IL1RL2: variants seen among roughly 807,000 people sequenced by gnomAD.
IL1RL2 encodes interleukin-1 receptor-like 2.
IL1RL2 carries 68 observed loss-of-function variants against 66.8 expected under a neutral mutation model. That is an observed-to-expected ratio of 1.02 (90% CI 0.84 to 1.25). IL1RL2 has a LOEUF of 1.25. Ranked by LOEUF, IL1RL2 falls within the 50% of genes most tolerant of loss-of-function variation. The pLI, the probability that IL1RL2 is intolerant of heterozygous loss-of-function variation, is 0.00. For synonymous variants in IL1RL2, 305 were observed against 264.6 expected (o/e 1.15, Z -1.48); for missense variants, 729 against 709.3 (o/e 1.03, Z -0.32).
intron 11 of IL1RL2, among the ~76,000 whole-genome samples, chr2:102,238,974 C>A (rs1675103601): frequency 6.6e-6 from 1 of 152,186 alleles, no homozygotes. Context: ...TCCTCTGGGG[C>A]TCTTATAGGA....
intron 11 of IL1RL2, 94 bp downstream of exon 11, chr2:102,235,371 G>T (rs748928094): frequency 3.3e-6 from 5 of 1,525,404 alleles, no homozygotes; most frequent in Non-Finnish European, 4.4e-6. Context: ...ACGTTTCATC[G>T]GGGCCGTCTG....
chr2:102,233,570 T>A (rs1270135102), intron 10 of IL1RL2, among the ~76,000 whole-genome samples: 2 of 152,140 alleles, frequency 1.3e-5, no homozygotes, highest in Non-Finnish European at 2.9e-5. Context: ...CGACCCTACT[T>A]GCCCCCTCCC....
Position 102,220,033 on chromosome 2 carries a change from G to T in IL1RL2, c.991+16G>T. On this transcript the variant is annotated intron_variant, in intron 8 of 11. Coordinates refer to ENST00000264257, the MANE Select transcript of IL1RL2 (RefSeq NM_003854.4). ...CAGCTCCCAGGTAATACTCCAGTGG[G>T]TTACACACTGTTCAGAGTGTTCAAA... 2 of 1,601,778 alleles carry T rather than the reference G, an allele frequency of 1.2e-6. No individual in the cohort carries two copies. The highest frequency in any genetic ancestry group is 1.7e-6 in the Non-Finnish European group (2 of 1,170,342).
At chr2:102,220,330 T>G (rs1017981057) in intron 8 of IL1RL2, among the ~76,000 whole-genome samples, 103 of 152,246 alleles carry the variant, frequency 6.8e-4, no homozygotes, top group Non-Finnish European at 1.3e-4. Flanking sequence ...GCTTTTGATT[T>G]TCAACTTTTA....
chr2:102,212,207 CAGGGGAAG>C, intron 6 of IL1RL2, 33 bp downstream of exon 6: 7 of 1,426,684 alleles, frequency 4.9e-6, no homozygotes, highest in Non-Finnish European at 6.9e-6. Context: ...TTGAAATCAC[CAGGGGAAG>C]AGCTCATTAT....
Position 102,233,087 on chromosome 2 carries a change from G to C in IL1RL2, c.1260G>C (p.Lys420Asn), listed in dbSNP as rs1691283814. The change falls in exon 10 of 12, where the codon AAG (lysine) becomes AAC (asparagine). Residue 420 changes from lysine (K) to asparagine (N), a missense_variant. By Grantham distance (94) the Lys-to-Asn change is moderately conservative. Coordinates refer to ENST00000264257, the MANE Select transcript of IL1RL2 (RefSeq NM_003854.4). ...PEVLERQCGY[K>N]LFIFGRDEFP... ...TGTTGGAGAGACAATGTGGATATAAGTTGTTTATATTCGGCAGAGATGAAT... is the reference window on the plus strand; with the variant it reads ...TGTTGGAGAGACAATGTGGATATAACTTGTTTATATTCGGCAGAGATGAAT... 1 of 1,611,872 alleles carries C rather than the reference G, an allele frequency of 6.2e-7. No homozygotes were observed.
intron 3 of IL1RL2, among the ~76,000 whole-genome samples, chr2:102,190,558 T>G (rs1379346006): frequency 6.6e-6 from 1 of 152,236 alleles, no homozygotes; most frequent in Admixed American, 6.5e-5. Flanking sequence ...TGCTGCTAGA[T>G]TCCTCATTTC....
At position 102,239,682 on chromosome 2, in the gene IL1RL2, AT is replaced by A. The variant is rs1322690623; in HGVS notation, c.*442del. 4 of 177,056 alleles carry A rather than the reference AT, an allele frequency of 2.3e-5. No individual in the cohort carries two copies. Among genetic ancestry groups the A allele is most frequent in the Non-Finnish European group, 4.9e-5 (4 of 81,876 alleles). 11.0% of individuals were successfully genotyped at this position (177,056 alleles called of 1,614,324 possible). A position where few individuals can be genotyped will look rare whatever the true frequency, so the allele number is the denominator to read the frequency against. On this transcript the variant is annotated 3_prime_UTR_variant, in exon 12 of 12. Transcript: ENST00000264257. ...ATCATGGTGGGTGAGAGCTGGGAGC[AT>A]CCCCATGTCATGGTGGGCGAGATCT...
At chr2:102,192,155 C>G (rs760565003) in intron 4 of IL1RL2, 35 bp downstream of exon 4, 51 of 1,429,084 alleles carry the variant, frequency 3.6e-5, no homozygotes, top group Non-Finnish European at 4.7e-5. Flanking sequence ...ATTTTTCCTC[C>G]TTTTCTTTAA....
rs375216731 is a variant in IL1RL2, at chr2:102,216,616, G to A, written c.725-2337G>A. ...GTAAGAACATGACTCCTGACATTTTGTTATTTGTATTCTGGTTGTTTTGCA... is the reference window on the plus strand; with the variant it reads ...GTAAGAACATGACTCCTGACATTTTATTATTTGTATTCTGGTTGTTTTGCA... On this transcript the variant is annotated intron_variant, in intron 6 of 11. Transcript: ENST00000264257. 2.6e-5 allele frequency among the ~76,000 whole-genome samples: 4 copies of A among 151,862 alleles called. No individual in the cohort carries two copies. In the East Asian group the frequency reaches 7.7e-4, roughly 29 times the overall value.
chr2:102,221,407 CT>C, intron 8 of IL1RL2, among the ~76,000 whole-genome samples: 1 of 152,174 alleles, frequency 6.6e-6, no homozygotes, highest in East Asian at 1.9e-4. Context: ...GCGTTTCCAG[CT>C]GTGTAAGGGA....
intron 3 of IL1RL2, among the ~76,000 whole-genome samples, chr2:102,190,886 T>A (rs955807897): frequency 1.3e-5 from 2 of 152,208 alleles, no homozygotes; most frequent in African/African-American, 4.8e-5. Flanking sequence ...TTATCTGCCA[T>A]GAAAGAAAAT....
chr2:102,197,774 C>T (rs1687911308), intron 4 of IL1RL2, among the ~76,000 whole-genome samples: 1 of 152,178 alleles, frequency 6.6e-6, no homozygotes, highest in Non-Finnish European at 1.5e-5. Flanking sequence ...GAGTATTCCA[C>T]TTTATTTGTT....
chr2:102,235,207 G>C lies in IL1RL2; in HGVS notation c.1608G>C (p.Met536Ile). 4 of 1,614,232 alleles carry C rather than the reference G, an allele frequency of 2.5e-6. No individual in the cohort carries two copies. The South Asian group carries it at 3.3e-5, about 13-fold the overall frequency. ...TTTGGAAGACAGTGAGATACCACATGCCGCCCAGAAGGTGTCGGCCGTTTC... is the reference window on the plus strand; with the variant it reads ...TTTGGAAGACAGTGAGATACCACATCCCGCCCAGAAGGTGTCGGCCGTTTC... Reference protein sequence around the residue: ...TKFWKTVRYHMPPRRCRPFPP... With the variant: ...TKFWKTVRYHIPPRRCRPFPP... The change falls in exon 11 of 12, where the codon ATG becomes ATC. Residue 536 changes from methionine (M) to isoleucine (I), a missense_variant. Physicochemically the swap from Met to Ile is conservative, Grantham distance 10 (BLOSUM62 1). Coordinates refer to ENST00000264257, the MANE Select transcript of IL1RL2 (RefSeq NM_003854.4).
rs539319037 is a variant in IL1RL2, at chr2:102,225,936, G to T, written c.1030G>T (p.Ala344Ser). ...AGCTTACTTGATAGGAGGGCTTATC[G>T]CCTTGGTGGCTGTGGCTGTGTCTGT... ...FRAYLIGGLI[A>S]LVAVAVSVVY... The change falls in exon 9 of 12, where the codon GCC becomes TCC. Residue 344 changes from alanine (A) to serine (S), a missense_variant. Physicochemically the swap from Ala to Ser is moderately conservative, Grantham distance 99. Transcript: ENST00000264257. The T allele has an allele frequency of 1.9e-6, 3 of 1,605,590 alleles. No individual in the cohort carries two copies. The highest frequency in any genetic ancestry group is 2.6e-6 in the Non-Finnish European group (3 of 1,175,562).
chr2:102,198,743 G>A (rs1578109991), intron 4 of IL1RL2, among the ~76,000 whole-genome samples: 1 of 152,032 alleles, frequency 6.6e-6, no homozygotes, highest in Admixed American at 6.5e-5. Context: ...GGTTCCCCAT[G>A]GTTTCAGCTG....
chr2:102,215,148 C>T (rs1212263351), intron 6 of IL1RL2, among the ~76,000 whole-genome samples: 1 of 152,204 alleles, frequency 6.6e-6, no homozygotes, highest in East Asian at 1.9e-4. Flanking sequence ...CTGCAGTCCT[C>T]ACAGGTCCTG....
At chr2:102,235,329 C>T in intron 11 of IL1RL2, 52 bp downstream of exon 11, 2 of 1,574,074 alleles carry the variant, frequency 1.3e-6, no homozygotes, top group African/African-American at 1.3e-5. Context: ...GAGGGTCTAT[C>T]ATTGCGTGGT....
At chr2:102,206,013 C>T (rs1000471999) in intron 5 of IL1RL2, among the ~76,000 whole-genome samples, 1 of 151,936 alleles carries the variant, frequency 6.6e-6, no homozygotes, top group Non-Finnish European at 1.5e-5. Context: ...TGATACATTC[C>T]TCTATTAAAG....
Sources: allele counts gnomAD v4.1 joint callset (sites outside exome capture counted in the v4.1 genomes callset), GRCh38; gene constraint gnomAD v4.1.1; transcripts MANE v1.5; gene names NCBI Gene and HGNC (gene_info 2026-07-23, HGNC 2026-07-21).